Variants in AK8 observed in about 807,000 individuals in gnomAD.
AK8 encodes ATP-AMP transphosphorylase 8.
Under a neutral mutation model 54.6 loss-of-function variants are expected in AK8, and 44 were observed. The ratio of observed to expected loss-of-function variants is 0.81; its 90% confidence interval spans 0.63 to 1.04. The LOEUF is 1.04. Among genes scored for constraint, AK8 ranks in the 50% least tolerant of loss-of-function variants. The probability of loss-of-function intolerance (pLI) is 0.00; values close to 1 mark genes in which losing one functional copy is unlikely to be tolerated. For synonymous variants in AK8, 239 were observed against 245.6 expected, an observed-to-expected ratio of 0.97 and a Z score of 0.25; for missense variants, 555 against 613.6, an observed-to-expected ratio of 0.90 and a Z score of 1.01.
At chr9:132,840,323 C>T (rs1564432218) in intron 5 of AK8, among the ~76,000 whole-genome samples, 2 of 152,088 alleles carry the variant, frequency 1.3e-5, no homozygotes, top group East Asian at 3.9e-4. Flanking sequence ...ACGTGCTTGG[C>T]TTCTTGCATT....
At chr9:132,776,436 G>C (rs535766531) in intron 11 of AK8, among the ~76,000 whole-genome samples, 1 of 152,338 alleles carries the variant, frequency 6.6e-6, no homozygotes, top group South Asian at 2.1e-4. Context: ...AGAGTCCCGA[G>C]AGTCCTGTTG....
In AK8 at chr9:132,792,658, T is replaced by C; in HGVS notation, c.1097A>G (p.Asn366Ser). Residue 366 changes from asparagine to serine, a missense_variant, in exon 11 of 13, where the codon AAC becomes AGC. Transcript: ENST00000298545. The part of the protein sequence containing the change: ...PRDLDQAHLL[N>S]RLGYNPNRVF... ...CCTGTTGGGATTGTAGCCCAGGCGG[T>C]TCAGCAGGTGTGCCTGGTCGAGGTC... The C allele has an allele frequency of 6.4e-7, 1 of 1,554,282 alleles. No homozygotes were observed. Among genetic ancestry groups the C allele is most frequent in the South Asian group, 1.2e-5 (1 of 84,192 alleles).
rs918955122 is a variant in AK8, at chr9:132,814,518, A to G, written c.979+120T>C. 5 of 984,470 alleles carry G rather than the reference A, an allele frequency of 5.1e-6. No individual in the cohort carries two copies. In the African/African-American group the frequency reaches 6.7e-5, roughly 13 times the overall value. The allele number at this position is 984,470 out of a possible 1,614,324, so 61.0% of individuals were successfully genotyped here. A position where few individuals can be genotyped will look rare whatever the true frequency, so the allele number is the denominator to read the frequency against. On this transcript the variant is annotated intron_variant, in intron 10 of 12. Coordinates refer to ENST00000298545, the MANE Select transcript of AK8 (RefSeq NM_152572.3). ...GAGCCTTTGCTTACAAGAAAACCCA[A>G]TTTCCATTTCCCGGCTGTTCTCCCC...
In AK8 at chr9:132,860,926, T is replaced by C. The variant is rs542729483; in HGVS notation, c.333+2739A>G. On this transcript the variant is annotated intron_variant, in intron 4 of 12. Transcript: ENST00000298545. This position sits in a 1 kb window ranked among gnomAD's most constrained non-coding sequence, Gnocchi z 4.4. ...CAGTAGATCTGGACTAAAACACCCATGGGGAAGGTCAAATGCTGTCTGGGT... is the reference window on the plus strand; with the variant it reads ...CAGTAGATCTGGACTAAAACACCCACGGGGAAGGTCAAATGCTGTCTGGGT... Among the ~76,000 whole-genome samples the C allele has an allele frequency of 5.9e-5, 9 of 152,142 alleles. No homozygotes were observed. The highest frequency in any genetic ancestry group is 1.0e-4 in the Non-Finnish European group (7 of 68,034).
chr9:132,750,404 C>A (rs1344548405), intron 11 of AK8, among the ~76,000 whole-genome samples: 1 of 151,858 alleles, frequency 6.6e-6, no homozygotes, highest in Non-Finnish European at 1.5e-5. Context: ...CAGGTGTGAG[C>A]CACCGCGCCC....
At chr9:132,858,919 AT>A (rs1371764923) in intron 4 of AK8, among the ~76,000 whole-genome samples, 1 of 152,110 alleles carries the variant, frequency 6.6e-6, no homozygotes, top group Non-Finnish European at 1.5e-5. Context: ...AGGCCAGGAA[AT>A]TTTCACAGGA....
chr9:132,827,959 T>C (rs1841941097), intron 7 of AK8, 54 bp downstream of exon 7: 1 of 1,518,952 alleles, frequency 6.6e-7, no homozygotes, highest in Non-Finnish European at 8.9e-7. Flanking sequence ...CGGGCTGTCA[T>C]CACCATGGAC....
chr9:132,805,337 C>G (rs1840669997), intron 10 of AK8, among the ~76,000 whole-genome samples: 1 of 152,200 alleles, frequency 6.6e-6, no homozygotes, highest in African/African-American at 2.4e-5. Context: ...TGACATTCAG[C>G]CCAACAGGAA....
At chr9:132,846,195 T>C (rs1842742417) in intron 5 of AK8, among the ~76,000 whole-genome samples, 1 of 152,190 alleles carries the variant, frequency 6.6e-6, no homozygotes, top group East Asian at 1.9e-4. Flanking sequence ...GTTTTGAGGT[T>C]GGAAAGGAGA....
At chr9:132,796,770 TACACAC>T (rs10590924) in intron 10 of AK8, among the ~76,000 whole-genome samples, 7,111 of 142,296 alleles carry the variant, frequency 0.05, 261 homozygotes, top group African/African-American at 0.088. Context: ...ACATACATGC[TACACAC>T]ACACACACAC....
chr9:132,795,669 C>T lies in AK8; in HGVS notation c.980-2894G>A, dbSNP rs113788608. Reference sequence around the variant, plus strand: ...CAGGCACTGTGCTGGACATGGGATACGGTCTACGCAGCAAGCCTGACTGCC... The same window carrying T: ...CAGGCACTGTGCTGGACATGGGATATGGTCTACGCAGCAAGCCTGACTGCC... On this transcript the variant is annotated intron_variant, in intron 10 of 12. Transcript: ENST00000298545. Among the ~76,000 whole-genome samples the T allele has an allele frequency of 7.2e-5, 11 of 152,212 alleles. No individual in the cohort carries two copies. In the East Asian group the frequency reaches 1.4e-3, roughly 19 times the overall value.
chr9:132,741,433 T>C (rs1275763792), intron 11 of AK8, among the ~76,000 whole-genome samples: 5 of 152,148 alleles, frequency 3.3e-5, no homozygotes, highest in African/African-American at 1.2e-4. Flanking sequence ...CTGAAGTCGC[T>C]CTGTTTGGAC....
intron 12 of AK8, 99 bp downstream of exon 12, chr9:132,727,355 T>C: frequency 1.8e-6 from 2 of 1,112,596 alleles, no homozygotes; most frequent in South Asian, 1.3e-5. Flanking sequence ...TGGTCACCAG[T>C]GTTATCCCTG....
intron 5 of AK8, among the ~76,000 whole-genome samples, chr9:132,833,583 G>A (rs1842195225): frequency 6.6e-6 from 1 of 152,180 alleles, no homozygotes. Context: ...TACCCCCGTG[G>A]CTCGGTTCTG....
At chr9:132,800,919 C>CCTTTTTT (rs1554793659) in intron 10 of AK8, among the ~76,000 whole-genome samples, 1 of 123,814 alleles carries the variant, frequency 8.1e-6, no homozygotes. Context: ...TCAGTTTGTC[C>CCTTTTTT]TTTTTTTTTT....
At chr9:132,757,129 G>A (rs1314493613) in intron 11 of AK8, among the ~76,000 whole-genome samples, 1 of 151,836 alleles carries the variant, frequency 6.6e-6, no homozygotes, top group African/African-American at 2.4e-5. Context: ...AGATGACAAC[G>A]GAATGCGTGT....
chr9:132,726,115 G>C (rs1836556088), intron 12 of AK8, among the ~76,000 whole-genome samples, 190 bp from the exon 13 acceptor site: 1 of 152,178 alleles, frequency 6.6e-6, no homozygotes, highest in Admixed American at 6.5e-5. Context: ...AGAGATCCAA[G>C]ATGTGCTCCC....
intron 10 of AK8, 111 bp from the exon 11 acceptor site, chr9:132,792,886 G>A (rs1198690907): frequency 1.5e-6 from 2 of 1,329,616 alleles, no homozygotes; most frequent in Non-Finnish European, 2.0e-6. Flanking sequence ...GGGTCTAGGT[G>A]GAGCCACTTG....
chr9:132,746,743 G>C (rs905926537), intron 11 of AK8, among the ~76,000 whole-genome samples: 3 of 152,188 alleles, frequency 2.0e-5, no homozygotes, highest in African/African-American at 7.2e-5. Flanking sequence ...CAGCAAAATA[G>C]ATCCAGGTGG....
Sources: gnomAD v4.1 joint callset for allele counts (sites outside exome capture counted in the v4.1 genomes callset) on GRCh38, gnomAD v4.1.1 for gene constraint, Gnocchi (gnomAD v3.1) non-coding constraint, MANE v1.5 for transcripts, NCBI Gene and HGNC (gene_info 2026-07-23, HGNC 2026-07-21) for gene names.